The following CNMD variants were observed in gnomAD, a reference collection of about 807,000 sequenced individuals.
The protein encoded by CNMD is leukocyte cell-derived chemotaxin 1.
CNMD carries 30 observed loss-of-function variants against 37.5 expected under a neutral mutation model. That is an observed-to-expected ratio of 0.80 (90% CI 0.60 to 1.09). The LOEUF (loss-of-function observed/expected upper bound fraction) is 1.09, where lower values mean the gene tolerates loss of function less well. CNMD is among the 50% of genes least tolerant of loss of function. CNMD has a pLI of 0.00. For missense variants in CNMD, 398 were observed against 423.9 expected (o/e 0.94, Z 0.54); for synonymous variants, 167 against 148.2 (o/e 1.13, Z -0.92).
chr13:52,737,877 G>C lies in CNMD; in HGVS notation c.213+1154C>G, dbSNP rs546422500. Among the ~76,000 whole-genome samples, 8 of 152,272 alleles carry C rather than the reference G, an allele frequency of 5.3e-5. No individual in the cohort carries two copies. In the South Asian group the frequency reaches 1.5e-3, roughly 28 times the overall value. On this transcript the variant is annotated intron_variant, in intron 2 of 6. Coordinates refer to ENST00000377962, the MANE Select transcript of CNMD (RefSeq NM_007015.3). The stretch of plus-strand genomic sequence containing the variant: ...ACTTTTCAAATACCCACAAAATACA[G>C]TGCAATTCTGATCTTACAAATCGAT...
chr13:52,705,691 A>G (rs905915969), intron 6 of CNMD, among the ~76,000 whole-genome samples: 15 of 152,316 alleles, frequency 9.8e-5, no homozygotes, highest in South Asian at 2.1e-4. Flanking sequence ...GATCATGGAG[A>G]TAAATGCTTT....
intron 5 of CNMD, among the ~76,000 whole-genome samples, chr13:52,711,089 G>A (rs533316481): frequency 2.0e-4 from 31 of 152,220 alleles, no homozygotes; most frequent in Admixed American, 2.0e-3. Flanking sequence ...CTGAGGGCAC[G>A]GGTTCTTGTC....
At chr13:52,710,017 CTG>C (rs1262044580) in intron 5 of CNMD, among the ~76,000 whole-genome samples, 1 of 152,094 alleles carries the variant, frequency 6.6e-6, no homozygotes, top group African/African-American at 2.4e-5. Flanking sequence ...TGGTGTCTCT[CTG>C]AGCCCGTTTC....
At chr13:52,726,651 T>C (rs2138260436) in intron 3 of CNMD, among the ~76,000 whole-genome samples, 1 of 152,034 alleles carries the variant, frequency 6.6e-6, no homozygotes, top group Non-Finnish European at 1.5e-5. Flanking sequence ...TTAAATCAGA[T>C]GCACAGATAT....
At chr13:52,735,977 G>GCC (rs1566233438) in intron 2 of CNMD, among the ~76,000 whole-genome samples, 4 of 149,810 alleles carry the variant, frequency 2.7e-5, no homozygotes, top group Non-Finnish European at 5.9e-5. Flanking sequence ...CTACAGGCAT[G>GCC]CGCCACCACG....
intron 2 of CNMD, among the ~76,000 whole-genome samples, chr13:52,734,080 T>G (rs1189084529): frequency 6.6e-6 from 1 of 152,166 alleles, no homozygotes; most frequent in African/African-American, 2.4e-5. Context: ...CATTTTGTTA[T>G]GAGATGTGTG....
chr13:52,711,886 G>T (rs909537164), intron 5 of CNMD, among the ~76,000 whole-genome samples: 10 of 151,998 alleles, frequency 6.6e-5, no homozygotes, highest in Admixed American at 2.0e-4. Flanking sequence ...TTTTCCCTGT[G>T]TGCCCACCAA....
At chr13:52,734,447 C>T (rs1964723728) in intron 2 of CNMD, among the ~76,000 whole-genome samples, 1 of 152,156 alleles carries the variant, frequency 6.6e-6, no homozygotes, top group Non-Finnish European at 1.5e-5. Context: ...CACTAATTAG[C>T]TGACCTAAAG....
At chr13:52,720,692 G>T (rs1393723698) in intron 4 of CNMD, among the ~76,000 whole-genome samples, 1 of 152,156 alleles carries the variant, frequency 6.6e-6, no homozygotes, top group Admixed American at 6.5e-5. Flanking sequence ...TCCCAGAGGG[G>T]CACCCATCAG....
At position 52,733,322 on chromosome 13, in the gene CNMD, T is replaced by G. The variant is rs972914928; in HGVS notation, c.251A>C (p.Lys84Thr). Residue 84 changes from lysine (K) to threonine (T), a missense_variant, in exon 3 of 7, where the codon AAA becomes ACA. By Grantham distance (78) the Lys-to-Thr change is moderately conservative. Transcript: ENST00000377962. ...TATTTCCATTGACCCATCTTGTAATTTCCCATTGATACTCATGGTGTAATG... is the reference window on the plus strand; with the variant it reads ...TATTTCCATTGACCCATCTTGTAATGTCCCATTGATACTCATGGTGTAATG... ...NVHYTMSING[K>T]LQDGSMEIDA... 2.5e-6 allele frequency: 4 copies of G among 1,613,702 alleles called. No individual in the cohort carries two copies. In the African/African-American group the frequency reaches 5.3e-5, roughly 22 times the overall value.
intron 3 of CNMD, among the ~76,000 whole-genome samples, chr13:52,732,091 G>C (rs766020394): frequency 3.9e-5 from 6 of 152,142 alleles, no homozygotes; most frequent in Non-Finnish European, 5.9e-5. Context: ...TATTCAAATG[G>C]ACTTATGAGG....
rs902507624 is a variant in CNMD, at chr13:52,708,651, G to A, written c.674C>T (p.Thr225Ile). 13 of 1,612,320 alleles carry A rather than the reference G, an allele frequency of 8.1e-6. No homozygotes were observed. In the East Asian group the frequency reaches 2.5e-4, roughly 30 times the overall value. Reference sequence around the variant, plus strand: ...CCGTGGTCCACTGTGTGGTCTTTTTGTGGTAGTTGGAACAATTTTTCTTAC... The same window carrying A: ...CCGTGGTCCACTGTGTGGTCTTTTTATGGTAGTTGGAACAATTTTTCTTAC... ...EVVRKIVPTT[T>I]KRPHSGPRSN... The change falls in exon 6 of 7, where the codon ACA becomes ATA. Residue 225 changes from threonine (T) to isoleucine (I), a missense_variant. Transcript: ENST00000377962.
At chr13:52,719,629 T>C (rs1232490117) in intron 4 of CNMD, among the ~76,000 whole-genome samples, 1 of 152,248 alleles carries the variant, frequency 6.6e-6, no homozygotes, top group African/African-American at 2.4e-5. Context: ...GAATATTCTT[T>C]TCTTGAAGAG....
At chr13:52,722,820 G>A (rs527627982) in intron 4 of CNMD, among the ~76,000 whole-genome samples, 1 of 152,320 alleles carries the variant, frequency 6.6e-6, no homozygotes, top group African/African-American at 2.4e-5. Flanking sequence ...AAAACTCACA[G>A]GTTTGACACA....
chr13:52,720,427 A>C (rs994563417), intron 4 of CNMD, among the ~76,000 whole-genome samples: 2 of 151,914 alleles, frequency 1.3e-5, no homozygotes, highest in Non-Finnish European at 2.9e-5. Flanking sequence ...TGGTTTTTGG[A>C]ATTTTCAGCC....
Position 52,711,427 on chromosome 13 carries a change from T to C in CNMD, c.622+1289A>G, listed in dbSNP as rs1483354864. ...GCAGGAATGGCAACAGCACAGCCCA[T>C]TTGGCAGCCCCTCTCCTGCCCCCTT... On this transcript the variant is annotated intron_variant, in intron 5 of 6. Coordinates refer to ENST00000377962, the MANE Select transcript of CNMD (RefSeq NM_007015.3). Among the ~76,000 whole-genome samples, 5 of 152,190 alleles carry C rather than the reference T, an allele frequency of 3.3e-5. No individual in the cohort carries two copies. In the East Asian group the frequency reaches 9.6e-4, roughly 29 times the overall value.
At chr13:52,708,859 G>A (rs560987531) in intron 5 of CNMD, among the ~76,000 whole-genome samples, 157 bp from the exon 6 acceptor site, 21 of 152,138 alleles carry the variant, frequency 1.4e-4, no homozygotes, top group African/African-American at 4.8e-4. Context: ...AATAAAACAT[G>A]TTTTAGAGTC....
chr13:52,735,787 G>A (rs563779557), intron 2 of CNMD, among the ~76,000 whole-genome samples: 15 of 150,992 alleles, frequency 9.9e-5, no homozygotes, highest in African/African-American at 3.6e-4. Context: ...GATTGGACAA[G>A]CTTGACGTAG....
intron 4 of CNMD, among the ~76,000 whole-genome samples, chr13:52,718,950 T>C (rs1295663578): frequency 2.0e-5 from 3 of 152,176 alleles, no homozygotes; most frequent in African/African-American, 7.2e-5. Context: ...ACTATTATTA[T>C]GTGGGAGTCT....
Sources: gnomAD v4.1 joint callset for allele counts (sites outside exome capture counted in the v4.1 genomes callset) on GRCh38, gnomAD v4.1.1 for gene constraint, MANE v1.5 for transcripts, NCBI Gene and HGNC (gene_info 2026-07-23, HGNC 2026-07-21) for gene names.